The following ADGRD1 variants were observed in gnomAD, a reference collection of about 807,000 sequenced individuals.
The protein encoded by ADGRD1 is adhesion G protein-coupled receptor D1.
Under a neutral mutation model 113.4 loss-of-function variants are expected in ADGRD1, and 77 were observed. The observed-to-expected ratio is 0.68, with a 90% CI of 0.57 to 0.82. ADGRD1 has a LOEUF of 0.82. Ranked by LOEUF, ADGRD1 falls within the 40% of genes least tolerant of loss-of-function variation. ADGRD1 has a pLI of 0.00. For missense variants in ADGRD1, 1,036 were observed against 1,139.1 expected (o/e 0.91, Z 1.30); for synonymous variants, 474 against 475.0 (o/e 1.00, Z 0.03).
chr12:131,080,147 G>T (rs1266917892), intron 14 of ADGRD1, among the ~76,000 whole-genome samples: 1 of 152,034 alleles, frequency 6.6e-6, no homozygotes, highest in Non-Finnish European at 1.5e-5. Context: ...TAGCTGCATT[G>T]CACACATTTT....
At chr12:131,024,522 G>T (rs1879722712) in intron 13 of ADGRD1, 1 of 152,258 alleles carries the variant, frequency 6.6e-6, no homozygotes, top group South Asian at 2.1e-4. Context: ...GATTTTCCCT[G>T]TACCTCATCT....
At chr12:131,032,295 C>G (rs1880861430) in intron 13 of ADGRD1, among the ~76,000 whole-genome samples, 1 of 152,218 alleles carries the variant, frequency 6.6e-6, no homozygotes, top group South Asian at 2.1e-4. Flanking sequence ...TCTCACAGGT[C>G]CACAGCTTAT....
chr12:131,003,368 C>A lies in ADGRD1; in HGVS notation c.1144+66C>A. 2 of 1,099,690 alleles carry A rather than the reference C, an allele frequency of 1.8e-6. No individual in the cohort carries two copies. Among genetic ancestry groups the A allele is most frequent in the Non-Finnish European group, 2.8e-6 (2 of 720,324 alleles). 68.1% of individuals were successfully genotyped at this position (1,099,690 alleles called of 1,614,324 possible). Reference sequence around the variant, plus strand: ...GGGGCTGGAGGCTGCGTTTCACTGCCTGTCTTTTTACACCCTTAGCAGAGA... The same window carrying A: ...GGGGCTGGAGGCTGCGTTTCACTGCATGTCTTTTTACACCCTTAGCAGAGA... On this transcript the variant is annotated intron_variant, in intron 10 of 24. Transcript: ENST00000261654. This position sits in a 1 kb window ranked among gnomAD's most constrained non-coding sequence, Gnocchi z 4.8.
chr12:130,992,584 T>G (rs1252000212), intron 8 of ADGRD1, 192 bp downstream of exon 8: 1 of 501,526 alleles, frequency 2.0e-6, no homozygotes, highest in East Asian at 3.2e-5. Context: ...TCAGCGGAGC[T>G]TCCTTTATGG....
rs76898752 is a variant in ADGRD1, at chr12:130,987,414, C to T, written c.745+65C>T. 9,125 of 1,574,076 alleles carry T rather than the reference C, an allele frequency of 5.8e-3. 408 individuals carry two copies. The African/African-American group carries it at 0.1, about 18-fold the overall frequency. On this transcript the variant is annotated intron_variant, in intron 6 of 24. Transcript: ENST00000261654. ...TTCCCAGGGTCACCCTGGTATCGGC[C>T]TCCTTTCTCCCCACTCTCCCGTTGC...
chr12:131,041,133 T>C lies in ADGRD1; in HGVS notation c.1473+26793T>C, dbSNP rs1420731746. On this transcript the variant is annotated intron_variant, in intron 13 of 24. Transcript: ENST00000261654. This position sits in a 1 kb window ranked among gnomAD's most constrained non-coding sequence, Gnocchi z 4.4. Reference sequence around the variant, plus strand: ...CCTGGGGTGAATGTTTCGATGCTCTTACCAGGAAAGGGTAGCAGGGACTTC... The same window carrying C: ...CCTGGGGTGAATGTTTCGATGCTCTCACCAGGAAAGGGTAGCAGGGACTTC... 6.6e-6 allele frequency among the ~76,000 whole-genome samples: 1 copy of C among 152,150 alleles called. No homozygotes were observed. The highest frequency in any genetic ancestry group is 1.5e-5 in the Non-Finnish European group (1 of 68,026).
intron 21 of ADGRD1, among the ~76,000 whole-genome samples, chr12:131,132,935 G>C (rs1434115537): frequency 2.0e-5 from 3 of 152,256 alleles, no homozygotes; most frequent in Non-Finnish European, 2.9e-5. Context: ...TATGTCAGCA[G>C]CGAATCTATG....
intron 2 of ADGRD1, among the ~76,000 whole-genome samples, chr12:130,963,239 G>T (rs1870588661): frequency 1.3e-5 from 2 of 149,018 alleles, no homozygotes; most frequent in South Asian, 2.1e-4. Context: ...AGAATGGCGT[G>T]AACCCGGGAG....
chr12:131,017,411 A>C lies in ADGRD1; in HGVS notation c.1473+3071A>C, dbSNP rs111174052. On this transcript the variant is annotated intron_variant, in intron 13 of 24. Transcript: ENST00000261654. ...CAGTCCACATACACTCAGTCCACAC[A>C]CAGTCCATACCCAGTCCCCACACAC... 2.6e-3 allele frequency among the ~76,000 whole-genome samples: 335 copies of C among 128,574 alleles called. 34 individuals are homozygous for C. The highest frequency in any genetic ancestry group is 0.01 in the African/African-American group (288 of 28,506). 84.3% of individuals were successfully genotyped at this position (128,574 alleles called of 152,430 possible). A position where few individuals can be genotyped will look rare whatever the true frequency, so the allele number is the denominator to read the frequency against.
In ADGRD1 at chr12:131,139,870, C is replaced by A. The variant is rs1312178650; in HGVS notation, c.*607C>A. 6.6e-6 allele frequency: 1 copy of A among 152,606 alleles called. No individual in the cohort carries two copies. Among genetic ancestry groups the A allele is most frequent in the Non-Finnish European group, 1.5e-5 (1 of 68,364 alleles). 9.5% of individuals were successfully genotyped at this position (152,606 alleles called of 1,614,324 possible). ...CCTGTGCTGTGTCATCAGTTGGGGG[C>A]CCCTGCCCAAGCCGAGCTCGAGCCG... On this transcript the variant is annotated 3_prime_UTR_variant, in exon 25 of 25. Transcript: ENST00000261654.
intron 15 of ADGRD1, among the ~76,000 whole-genome samples, chr12:131,092,493 G>C (rs10848281): frequency 0.33 from 49,839 of 152,144 alleles, 9,508 homozygotes; most frequent in East Asian, 0.74. Context: ...GTCGAGGAGC[G>C]TGTGGGAGGT....
At position 131,003,144 on chromosome 12, in the gene ADGRD1, G is replaced by C; in HGVS notation, c.1027-41G>C. ...CACCTGCCTGGTGCCCTGGCTGAGTGGGGTGGATTTTCATGGCTCCTGGTG... is the reference window on the plus strand; with the variant it reads ...CACCTGCCTGGTGCCCTGGCTGAGTCGGGTGGATTTTCATGGCTCCTGGTG... On this transcript the variant is annotated intron_variant, in intron 9 of 24. Coordinates refer to ENST00000261654, the MANE Select transcript of ADGRD1 (RefSeq NM_198827.5). This position sits in a 1 kb window ranked among gnomAD's most constrained non-coding sequence, Gnocchi z 4.8. 8 of 1,484,810 alleles carry C rather than the reference G, an allele frequency of 5.4e-6. No homozygotes were observed. The highest frequency in any genetic ancestry group is 7.5e-6 in the Non-Finnish European group (8 of 1,062,328). The allele number at this position is 1,484,810 out of a possible 1,614,324, so 92.0% of individuals were successfully genotyped here. A position where few individuals can be genotyped will look rare whatever the true frequency, so the allele number is the denominator to read the frequency against.
intron 4 of ADGRD1, among the ~76,000 whole-genome samples, 171 bp from the exon 5 acceptor site, chr12:130,981,713 T>A (rs1484913420): frequency 6.6e-6 from 1 of 152,214 alleles, no homozygotes; most frequent in Non-Finnish European, 1.5e-5. Context: ...GAGCCCTTAA[T>A]AAACATGAGC....
At chr12:131,083,210 G>A (rs1014809318) in intron 14 of ADGRD1, among the ~76,000 whole-genome samples, 8 of 152,142 alleles carry the variant, frequency 5.3e-5, no homozygotes, top group African/African-American at 1.9e-4. Flanking sequence ...TCCCCCAAGG[G>A]CCATTGCCTT....
In ADGRD1 at chr12:130,955,113, C is replaced by G. The variant is rs958220032; in HGVS notation, c.103+453C>G. 1.0e-4 allele frequency among the ~76,000 whole-genome samples: 7 copies of G among 69,022 alleles called. No homozygotes were observed. The East Asian group carries it at 2.4e-3, about 24-fold the overall frequency. The allele number at this position is 69,022 out of a possible 152,430, so 45.3% of individuals were successfully genotyped here. On this transcript the variant is annotated intron_variant, in intron 2 of 24. Coordinates refer to ENST00000261654, the MANE Select transcript of ADGRD1 (RefSeq NM_198827.5). ...TAGCTGGGATCACAGGTGTGCACCA[C>G]TACACCCAGCTTTTTTTTTTTTTGT...
chr12:131,031,649 C>G (rs561013403), intron 13 of ADGRD1, among the ~76,000 whole-genome samples: 3 of 145,098 alleles, frequency 2.1e-5, no homozygotes, highest in African/African-American at 4.9e-5. Flanking sequence ...AGTTCTGGGG[C>G]CCCTCTCCAC....
intron 13 of ADGRD1, chr12:131,070,122 G>C (rs1885032960): frequency 6.6e-6 from 1 of 152,304 alleles, no homozygotes; most frequent in African/African-American, 2.4e-5. Context: ...GCTCCCTCTG[G>C]GAAGAGCCTC....
intron 4 of ADGRD1, among the ~76,000 whole-genome samples, chr12:130,974,055 C>T (rs1489996473): frequency 1.3e-5 from 2 of 152,202 alleles, no homozygotes; most frequent in Non-Finnish European, 2.9e-5. Context: ...CTGTGCCCCC[C>T]TGGGTCTTGA....
At chr12:131,093,836 T>C (rs1460884402) in intron 15 of ADGRD1, among the ~76,000 whole-genome samples, 1 of 152,248 alleles carries the variant, frequency 6.6e-6, no homozygotes, top group East Asian at 1.9e-4. Flanking sequence ...GTGCCTGCTC[T>C]GAGCCTCAGT....
Sources: gnomAD v4.1 joint callset for allele counts (sites outside exome capture counted in the v4.1 genomes callset) on GRCh38, gnomAD v4.1.1 for gene constraint, Gnocchi (gnomAD v3.1) non-coding constraint, MANE v1.5 for transcripts, NCBI Gene and HGNC (gene_info 2026-07-23, HGNC 2026-07-21) for gene names.